Variants in MYO16 observed in about 807,000 individuals in gnomAD.
MYO16 encodes unconventional myosin-XVI.
MYO16 carries 94 observed loss-of-function variants against 205.3 expected under a neutral mutation model. The observed-to-expected ratio is 0.46, with a 90% CI of 0.39 to 0.54. The LOEUF is 0.54. Ranked by LOEUF, MYO16 falls within the 20% of genes least tolerant of loss-of-function variation. The probability of loss-of-function intolerance (pLI) is 0.00; values close to 1 mark genes in which losing one functional copy is unlikely to be tolerated. For missense variants in MYO16, 2,315 were observed against 2,387.5 expected (o/e 0.97, Z 0.63); for synonymous variants, 988 against 954.0 (o/e 1.04, Z -0.66).
intron 16 of MYO16, among the ~76,000 whole-genome samples, chr13:108,946,138 A>G (rs1231448054): frequency 6.6e-6 from 1 of 152,104 alleles, no homozygotes; most frequent in African/African-American, 2.4e-5. Flanking sequence ...TTGTATCTCC[A>G]TCCCTTCCCT....
At chr13:108,961,713 T>C in intron 18 of MYO16, 57 bp downstream of exon 18, 2 of 1,348,068 alleles carry the variant, frequency 1.5e-6, no homozygotes, top group South Asian at 1.2e-5. Flanking sequence ...TTTGTAGATC[T>C]ACCAGTAGAT....
intron 13 of MYO16, 68 bp downstream of exon 13, chr13:108,883,254 C>T: frequency 5.8e-6 from 9 of 1,549,536 alleles, no homozygotes; most frequent in Non-Finnish European, 6.1e-6. Context: ...AAGATGTACT[C>T]ATTTCCTATG....
At chr13:109,023,688 T>TATATATATATATATGTATATATACAA (rs1566468314) in intron 23 of MYO16, among the ~76,000 whole-genome samples, 1 of 100,256 alleles carries the variant, frequency 1.0e-5, no homozygotes, top group Non-Finnish European at 2.2e-5. Context: ...TATATATACA[T>TATATATATATATATGTATATATACAA]ATATATGTAT....
the MYO16 span, among the ~76,000 whole-genome samples, chr13:108,540,798 A>G: frequency 1.3e-5 from 2 of 152,166 alleles, no homozygotes; most frequent in Non-Finnish European, 2.9e-5. Flanking sequence ...TAGTTGGATC[A>G]GAAGTGCAAA....
At chr13:109,101,959 G>A (rs193045510) in intron 28 of MYO16, 2 of 152,270 alleles carry the variant, frequency 1.3e-5, no homozygotes, top group Non-Finnish European at 2.9e-5. Context: ...GTAAAACAGG[G>A]AGGGAAGACT....
rs7989105 is a variant in MYO16, at chr13:108,893,510, C to A, written c.1660-4506C>A. ...TATTGATGATACTAAGTGAGCACTTCCTATACTTCCTGAAAGGAAAATCTG... is the reference window on the plus strand; with the variant it reads ...TATTGATGATACTAAGTGAGCACTTACTATACTTCCTGAAAGGAAAATCTG... On this transcript the variant is annotated intron_variant, in intron 14 of 34. Coordinates refer to ENST00000457511, the MANE Select transcript of MYO16 (RefSeq NM_001198950.3). Among the ~76,000 whole-genome samples the A allele has an allele frequency of 5.2e-3, 798 of 152,132 alleles. 5 individuals are homozygous for A. The highest frequency in any genetic ancestry group is 0.019 in the African/African-American group (771 of 41,492).
At chr13:109,034,779 A>G (rs1287007641) in intron 23 of MYO16, among the ~76,000 whole-genome samples, 1 of 152,206 alleles carries the variant, frequency 6.6e-6, no homozygotes, top group East Asian at 1.9e-4. Flanking sequence ...CAATCTGAAA[A>G]TCTAAATAGA....
intron 17 of MYO16, among the ~76,000 whole-genome samples, chr13:108,960,856 C>T (rs773897136): frequency 2.6e-5 from 4 of 152,274 alleles, no homozygotes; most frequent in Non-Finnish European, 5.9e-5. Context: ...TTTTATGCAG[C>T]GTTCCAGATT....
chr13:108,926,529 A>G (rs753934600), intron 16 of MYO16, among the ~76,000 whole-genome samples: 1 of 152,164 alleles, frequency 6.6e-6, no homozygotes, highest in Non-Finnish European at 1.5e-5. Flanking sequence ...AGTGAAAAGC[A>G]GGGGTCGGGA....
At chr13:109,013,812 T>G (rs1555323957) in intron 22 of MYO16, among the ~76,000 whole-genome samples, 1 of 152,216 alleles carries the variant, frequency 6.6e-6, no homozygotes, top group Non-Finnish European at 1.5e-5. Context: ...TTGATGGGGT[T>G]GTTTGATTTT....
At chr13:108,694,697 C>CA (rs1883023085) in intron 2 of MYO16, among the ~76,000 whole-genome samples, 1 of 152,074 alleles carries the variant, frequency 6.6e-6, no homozygotes, top group South Asian at 2.1e-4. Flanking sequence ...CTTTAATGCA[C>CA]ATTTTTTAAA....
intron 2 of MYO16, among the ~76,000 whole-genome samples, chr13:108,674,139 CT>C (rs1224841368): frequency 6.6e-6 from 1 of 152,148 alleles, no homozygotes; most frequent in Admixed American, 6.5e-5. Flanking sequence ...TAGGACCAAG[CT>C]TTCTCTCCCC....
chr13:109,070,101 G>C (rs1887879912), intron 27 of MYO16, among the ~76,000 whole-genome samples: 1 of 152,108 alleles, frequency 6.6e-6, no homozygotes, highest in South Asian at 2.1e-4. Flanking sequence ...TATAGTGTAT[G>C]GACCAAACCA....
intron 2 of MYO16, among the ~76,000 whole-genome samples, chr13:108,694,056 C>T (rs1317949154): frequency 1.3e-5 from 2 of 152,174 alleles, no homozygotes; most frequent in East Asian, 1.9e-4. Flanking sequence ...ATTTTTATGG[C>T]CACATAGTAT....
upstream of MYO16, among the ~76,000 whole-genome samples, chr13:108,592,833 T>C (rs545579333): frequency 1.3e-5 from 2 of 151,950 alleles, no homozygotes; most frequent in South Asian, 4.2e-4. Context: ...CAGTACATGA[T>C]GACAATTATT....
chr13:109,179,429 T>C, intron 33 of MYO16, 113 bp from the exon 34 acceptor site: 4 of 698,396 alleles, frequency 5.7e-6, no homozygotes, highest in South Asian at 5.1e-5. Context: ...TTAAGGATCA[T>C]CATTTCAATT....
At chr13:109,045,274 AC>A (rs1361510522) in intron 23 of MYO16, among the ~76,000 whole-genome samples, 3 of 152,140 alleles carry the variant, frequency 2.0e-5, no homozygotes, top group African/African-American at 7.2e-5. Context: ...CTGTGCACAC[AC>A]GGATGTGTAG....
rs115448234 is a variant in MYO16 at position 108,652,160 on chromosome 13, C to T, written c.29-13726C>T. Among the ~76,000 whole-genome samples the T allele has an allele frequency of 5.1e-3, 770 of 151,100 alleles. 4 individuals are homozygous for T. Among genetic ancestry groups the T allele is most frequent in the African/African-American group, 0.017 (702 of 40,888 alleles). On this transcript the variant is annotated intron_variant, in intron 1 of 34. Coordinates refer to ENST00000457511, the MANE Select transcript of MYO16 (RefSeq NM_001198950.3). ...ATACCAATGTGTGTGTGTGTGCGCG[C>T]GCGCGCATGTGTGCGCGTGTGTGTG...
At chr13:109,174,262 T>C (rs1879063415) in intron 33 of MYO16, among the ~76,000 whole-genome samples, 2 of 152,120 alleles carry the variant, frequency 1.3e-5, no homozygotes, top group South Asian at 4.1e-4. Context: ...GAAAAGGACT[T>C]CTGATTATGG....
Sources: allele counts gnomAD v4.1 joint callset (sites outside exome capture counted in the v4.1 genomes callset), GRCh38; gene constraint gnomAD v4.1.1; transcripts MANE v1.5; gene names NCBI Gene and HGNC (gene_info 2026-07-23, HGNC 2026-07-21).